ATAT1: variants seen among roughly 807,000 people sequenced by gnomAD.
ATAT1 encodes alpha tubulin acetyltransferase 1.
ATAT1 carries 42 observed loss-of-function variants against 57.2 expected under a neutral mutation model. The ratio of observed to expected loss-of-function variants is 0.73; its 90% CI spans 0.57 to 0.95. The LOEUF (loss-of-function observed/expected upper bound fraction) is 0.95, where lower values mean the gene tolerates loss of function less well. Ranked by LOEUF, ATAT1 falls within the 40% of genes least tolerant of loss-of-function variation. The pLI is 0.00. For missense variants in ATAT1, 454 were observed against 523.7 expected, an observed-to-expected ratio of 0.87 and a Z score of 1.30; for synonymous variants, 168 against 187.1, an observed-to-expected ratio of 0.90 and a Z score of 0.83.
intron 6 of ATAT1, among the ~76,000 whole-genome samples, chr6:30,632,704 G>A (rs534491793): frequency 7.4e-4 from 113 of 152,002 alleles, no homozygotes; most frequent in African/African-American, 2.4e-3. Context: ...TTGGGAGGCC[G>A]AGGCAGGTGG....
intron 6 of ATAT1, among the ~76,000 whole-genome samples, chr6:30,634,929 A>G (rs1300866816): frequency 2.6e-5 from 4 of 152,036 alleles, no homozygotes; most frequent in Admixed American, 6.5e-5. Flanking sequence ...CAGAGCTTGC[A>G]GTGAGCCAAG....
chr6:30,642,857 A>G lies in ATAT1; in HGVS notation c.778A>G (p.Ser260Gly). 2 of 318,274 alleles carry G rather than the reference A, an allele frequency of 6.3e-6. No individual in the cohort carries two copies. The highest frequency in any genetic ancestry group is 8.9e-6 in the Non-Finnish European group (2 of 225,750). 19.7% of individuals were successfully genotyped at this position (318,274 alleles called of 1,614,324 possible). A position where few individuals can be genotyped will look rare whatever the true frequency, so the allele number is the denominator to read the frequency against. The stretch of plus-strand genomic sequence containing the variant: ...AGCCCACCCACCCCCCCGCTCCAGC[A>G]GCCTGGGAAACTCACCAGAACGAGG... The change falls in exon 10 of 13, where the codon AGC (serine) becomes GGC (glycine). Residue 260 changes from serine (S) to glycine (G), a missense_variant. Ser to Gly is a moderately conservative substitution (Grantham distance 56, BLOSUM62 0). Around this residue, in one of 3 missense-constraint regions of ATAT1, gnomAD observed 216 missense variants for 222.2 expected, o/e 0.97. Coordinates refer to ENST00000330083, the MANE Select transcript of ATAT1 (RefSeq NM_001031722.4).
Position 30,632,787 on chromosome 6 carries a change from A to T in ATAT1, c.501+4357A>T, listed in dbSNP as rs551472742. On this transcript the variant is annotated intron_variant, in intron 6 of 12. Coordinates refer to ENST00000330083, the MANE Select transcript of ATAT1 (RefSeq NM_001031722.4). ...ATCTCTACTAAAAATAGAAAAAAAA[A>T]TTAGCCAGGTGTGGTGGTGCTCGCC... Among the ~76,000 whole-genome samples the T allele has an allele frequency of 7.2e-5, 11 of 151,856 alleles. No homozygotes were observed. In the East Asian group the frequency reaches 1.9e-3, roughly 27 times the overall value.
chr6:30,643,476 G>GC lies in ATAT1; in HGVS notation c.932+471dup, dbSNP rs1765979223. On this transcript the variant is annotated intron_variant, in intron 10 of 12. Coordinates refer to ENST00000330083, the MANE Select transcript of ATAT1 (RefSeq NM_001031722.4). Reference sequence around the variant, plus strand: ...TGACTTCTCTGTTTTTCTCTCCCCCGCCCCCCGCCATTTCCCATCTCCCTT... The same window carrying GC: ...TGACTTCTCTGTTTTTCTCTCCCCCGCCCCCCCGCCATTTCCCATCTCCCTT... The GC allele has an allele frequency of 2.6e-6, 4 of 1,524,458 alleles. No individual in the cohort carries two copies. The Admixed American group carries it at 8.3e-5, about 31-fold the overall frequency. 94.4% of individuals were successfully genotyped at this position (1,524,458 alleles called of 1,614,324 possible). A position where few individuals can be genotyped will look rare whatever the true frequency, so the allele number is the denominator to read the frequency against.
At chr6:30,627,979 G>T in intron 4 of ATAT1, 53 bp from the exon 5 acceptor site, 1 of 1,607,308 alleles carries the variant, frequency 6.2e-7, no homozygotes, top group Non-Finnish European at 8.5e-7. Context: ...TGGAGGTTAG[G>T]GGGCAGCAGA....
intron 4 of ATAT1, 43 bp downstream of exon 4, chr6:30,627,954 T>C: frequency 6.2e-7 from 1 of 1,611,070 alleles, no homozygotes; most frequent in South Asian, 1.1e-5. Flanking sequence ...CCTTGGTTTC[T>C]GAGAACAAAA....
intron 10 of ATAT1, chr6:30,643,311 G>C (rs975182806): frequency 8.4e-6 from 12 of 1,421,258 alleles, no homozygotes; most frequent in Non-Finnish European, 1.1e-5. Flanking sequence ...CTAAGATTGG[G>C]AAAATCTTCG....
intron 10 of ATAT1, 136 bp downstream of exon 10, chr6:30,643,147 G>A: frequency 6.7e-7 from 1 of 1,498,430 alleles, no homozygotes; most frequent in Non-Finnish European, 8.9e-7. Flanking sequence ...AACCTTTCAA[G>A]AAAAATATTT....
Position 30,642,833 on chromosome 6 carries a change from G to GGCCCCCCCCCCCCCCCCCC in ATAT1, c.754_755insGCCCCCCCCCCCCCCCCCC (p.Ala252GlyfsTer54). 7.2e-6 allele frequency: 11 copies of GGCCCCCCCCCCCCCCCCCC among 1,537,860 alleles called. No individual in the cohort carries two copies. Among genetic ancestry groups the GGCCCCCCCCCCCCCCCCCC allele is most frequent in the South Asian group, 5.8e-5 (5 of 86,358 alleles). ...GGCCCCTCGCCGCGCCACACCTCCA[G>GGCCCCCCCCCCCCCCCCCC]CCCACCCACCCCCCCGCTCCAGCAG... is the stretch of plus-strand genomic sequence containing the variant. On this transcript the variant is annotated frameshift_variant, in exon 10 of 13. Coordinates refer to ENST00000330083, the MANE Select transcript of ATAT1 (RefSeq NM_001031722.4). LOFTEE classifies it high-confidence loss of function.
At chr6:30,643,043 C>T (rs776688505) in intron 10 of ATAT1, 32 bp downstream of exon 10, 1 of 1,579,028 alleles carries the variant, frequency 6.3e-7, no homozygotes. Context: ...AGGAGCCTCA[C>T]AGCTATAAAA....
intron 6 of ATAT1, among the ~76,000 whole-genome samples, chr6:30,629,889 C>A (rs1762485042): frequency 6.6e-6 from 1 of 152,154 alleles, no homozygotes; most frequent in Admixed American, 6.5e-5. Flanking sequence ...TCATTTTCAC[C>A]TCCTTGTTTT....
chr6:30,627,483 T>C lies in ATAT1; in HGVS notation c.95T>C (p.Met32Thr). The C allele has an allele frequency of 3.1e-6, 5 of 1,613,682 alleles. No individual in the cohort carries two copies. The highest frequency in any genetic ancestry group is 4.2e-6 in the Non-Finnish European group (5 of 1,179,846). Residue 32 changes from methionine (M) to threonine (T), a missense_variant, in exon 2 of 13, where the codon ATG (methionine) becomes ACG (threonine). This residue lies in a region of ATAT1 where 236 missense variants were observed against 284.5 expected (regional missense o/e 0.83). Transcript: ENST00000330083. ...AGTGTTGATCTACAGCAGCAAATTA[T>C]GACCATTATAGATGAACTGGGCAAG...
chr6:30,645,906 CA>C lies in ATAT1; in HGVS notation c.945del (p.Gly316ValfsTer3), dbSNP rs760544912. 18 of 1,503,410 alleles carry C rather than the reference CA, an allele frequency of 1.2e-5. No individual in the cohort carries two copies. Among genetic ancestry groups the C allele is most frequent in the Non-Finnish European group, 1.5e-5 (17 of 1,127,352 alleles). The allele number at this position is 1,503,410 out of a possible 1,614,324, so 93.1% of individuals were successfully genotyped here. On this transcript the variant is annotated frameshift_variant, in exon 11 of 13. Coordinates refer to ENST00000330083, the MANE Select transcript of ATAT1 (RefSeq NM_001031722.4). LOFTEE classifies it high-confidence loss of function. Reference sequence around the variant, plus strand: ...CATTTCTTCTACAGGGGGACTCCCCCAGGTCTGGTAGCCCAAAGCTGCTGCT... The same window carrying C: ...CATTTCTTCTACAGGGGGACTCCCCCGGTCTGGTAGCCCAAAGCTGCTGCT...
At chr6:30,629,853 T>A (rs1762478580) in intron 6 of ATAT1, among the ~76,000 whole-genome samples, 1 of 152,208 alleles carries the variant, frequency 6.6e-6, no homozygotes, top group Non-Finnish European at 1.5e-5. Context: ...CCCTTATGAC[T>A]AATTTTCAAC....
chr6:30,637,682 TAAA>T (rs529959080), intron 6 of ATAT1, among the ~76,000 whole-genome samples: 1 of 134,856 alleles, frequency 7.4e-6, no homozygotes, highest in South Asian at 2.4e-4. Flanking sequence ...GATTCCATGT[TAAA>T]AAAAAAAAAA....
Position 30,627,718 on chromosome 6 carries a change from C to G in ATAT1, c.215C>G (p.Ser72Ter). Residue 72 changes from serine to a stop codon, truncating the protein, a stop_gained, in exon 3 of 13, where the codon TCA becomes TGA. Coordinates refer to ENST00000330083, the MANE Select transcript of ATAT1 (RefSeq NM_001031722.4). LOFTEE classifies it high-confidence loss of function. ...GTTGTTTATATTCTCAAAGACAGTTCAGCCCGACCGTGAGTGCCACATGCT... is the reference window on the plus strand; with the variant it reads ...GTTGTTTATATTCTCAAAGACAGTTGAGCCCGACCGTGAGTGCCACATGCT... 1 of 1,612,726 alleles carries G rather than the reference C, an allele frequency of 6.2e-7. No homozygotes were observed. The highest frequency in any genetic ancestry group is 8.5e-7 in the Non-Finnish European group (1 of 1,179,718).
At chr6:30,639,479 CTTT>C (rs979708714) in intron 6 of ATAT1, among the ~76,000 whole-genome samples, 4 of 139,490 alleles carry the variant, frequency 2.9e-5, no homozygotes, top group Non-Finnish European at 3.2e-5. Context: ...CACTTTCTTT[CTTT>C]TTTTTTTTTT....
In ATAT1 at chr6:30,642,203, G is replaced by C; in HGVS notation, c.644G>C (p.Arg215Thr). The change falls in exon 9 of 13, where the codon AGA becomes ACA. Residue 215 changes from arginine (R) to threonine (T), a missense_variant. Physicochemically the swap from Arg to Thr is moderately conservative, Grantham distance 71. This residue lies in a region of ATAT1 where 236 missense variants were observed against 284.5 expected (regional missense o/e 0.83). Coordinates refer to ENST00000330083, the MANE Select transcript of ATAT1 (RefSeq NM_001031722.4). Reference sequence around the variant, plus strand: ...CCAGCAAGGAAGCTGCCACCCAAGAGAGCAGAGGGAGACATCAAGCCATAC... The same window carrying C: ...CCAGCAAGGAAGCTGCCACCCAAGACAGCAGAGGGAGACATCAAGCCATAC... 1 of 1,614,142 alleles carries C rather than the reference G, an allele frequency of 6.2e-7. No individual in the cohort carries two copies. Among genetic ancestry groups the C allele is most frequent in the East Asian group, 2.2e-5 (1 of 44,888 alleles).
In ATAT1 at chr6:30,627,079, A is replaced by G. The variant is rs1761823843; in HGVS notation, c.-125A>G. The G allele has an allele frequency of 6.4e-7, 1 of 1,552,288 alleles. No individual in the cohort carries two copies. Among genetic ancestry groups the G allele is most frequent in the Admixed American group, 2.0e-5 (1 of 51,116 alleles). ...GCACCACGCCCCCTTCTCACTGACT[A>G]GTGATCGCCCCTTTTGATGTCCAGG... On this transcript the variant is annotated 5_prime_UTR_variant, in exon 1 of 13. Coordinates refer to ENST00000330083, the MANE Select transcript of ATAT1 (RefSeq NM_001031722.4).
Sources: gnomAD v4.1 joint callset for allele counts (sites outside exome capture counted in the v4.1 genomes callset) on GRCh38, gnomAD v4.1.1 for gene constraint, gnomAD v4.1.1 regional missense constraint, MANE v1.5 for transcripts, NCBI Gene and HGNC (gene_info 2026-07-23, HGNC 2026-07-21) for gene names.